VTI1A: variants seen among roughly 807,000 people sequenced by gnomAD.
The protein encoded by VTI1A is vesicle transport through interaction with t-SNAREs homolog 1A.
A neutral mutation model predicts 34.9 loss-of-function variants in VTI1A; 22 were observed. That is an observed-to-expected ratio of 0.63 (90% CI 0.45 to 0.90). The LOEUF (loss-of-function observed/expected upper bound fraction) is 0.90. VTI1A is among the 40% of genes least tolerant of loss of function. The probability of loss-of-function intolerance (pLI) is 0.00; values close to 1 mark genes in which losing one functional copy is unlikely to be tolerated. For synonymous variants in VTI1A, 87 were observed against 97.3 expected (o/e 0.89, Z 0.62); for missense variants, 268 against 275.6 (o/e 0.97, Z 0.20).
intron 5 of VTI1A, among the ~76,000 whole-genome samples, chr10:112,664,276 T>G (rs1457970511): frequency 6.6e-6 from 1 of 152,212 alleles, no homozygotes; most frequent in Non-Finnish European, 1.5e-5. Context: ...GAATTAGATT[T>G]GAGGCTCGTT....
chr10:112,472,990 A>T (rs1196053477), intron 3 of VTI1A, among the ~76,000 whole-genome samples: 1 of 151,488 alleles, frequency 6.6e-6, no homozygotes, highest in Non-Finnish European at 1.5e-5. Flanking sequence ...AGAAAAAAAA[A>T]ATCACCAGTA....
chr10:112,726,296 C>G (rs1850025399), intron 7 of VTI1A, among the ~76,000 whole-genome samples: 1 of 152,216 alleles, frequency 6.6e-6, no homozygotes. Flanking sequence ...TCTAAGACAC[C>G]AGAGTGGGGA....
intron 5 of VTI1A, among the ~76,000 whole-genome samples, chr10:112,635,659 A>G (rs1028988056): frequency 2.6e-5 from 4 of 152,206 alleles, no homozygotes; most frequent in Non-Finnish European, 4.4e-5. Context: ...AGAGGTTACA[A>G]CAGTAGGAAT....
chr10:112,738,415 C>G (rs748934237), intron 7 of VTI1A, among the ~76,000 whole-genome samples: 2 of 152,182 alleles, frequency 1.3e-5, no homozygotes, highest in Non-Finnish European at 2.9e-5. Context: ...AGACTTGGCT[C>G]TCCTCTGAGG....
chr10:112,644,080 G>C (rs1304596567), intron 5 of VTI1A, among the ~76,000 whole-genome samples: 2 of 152,142 alleles, frequency 1.3e-5, no homozygotes, highest in African/African-American at 4.8e-5. Flanking sequence ...TTGCTATTCA[G>C]ATGCACTGCA....
intron 3 of VTI1A, among the ~76,000 whole-genome samples, chr10:112,519,578 G>A (rs112133612): frequency 7.4e-4 from 112 of 152,218 alleles, no homozygotes; most frequent in African/African-American, 2.6e-3. Context: ...AGAACTAGGT[G>A]AATCGTTCAT....
At chr10:112,838,980 C>G in the VTI1A span, among the ~76,000 whole-genome samples, 7 of 152,204 alleles carry the variant, frequency 4.6e-5, no homozygotes, top group Non-Finnish European at 7.3e-5. Flanking sequence ...TGCAAGAACG[C>G]CACTTTCTTC....
chr10:112,514,561 GTTC>G (rs1212216911), intron 3 of VTI1A, among the ~76,000 whole-genome samples: 1 of 150,570 alleles, frequency 6.6e-6, no homozygotes, highest in African/African-American at 2.4e-5. Flanking sequence ...GTTTATTTTT[GTTC>G]TTCTAGTTTC....
intron 3 of VTI1A, among the ~76,000 whole-genome samples, chr10:112,514,512 G>A (rs533327584): frequency 1.0e-3 from 155 of 150,940 alleles, no homozygotes; most frequent in Non-Finnish European, 2.1e-3. Context: ...TTTATGCCTT[G>A]ATCTTTGTTA....
chr10:112,790,443 C>T (rs1363237191), intron 7 of VTI1A, among the ~76,000 whole-genome samples: 1 of 152,178 alleles, frequency 6.6e-6, no homozygotes, highest in Non-Finnish European at 1.5e-5. Flanking sequence ...CCAGGATCTC[C>T]CCATCACATT....
chr10:112,717,712 C>T (rs892085982), intron 7 of VTI1A, among the ~76,000 whole-genome samples: 1 of 152,098 alleles, frequency 6.6e-6, no homozygotes, highest in South Asian at 2.1e-4. Flanking sequence ...CACACAGTGC[C>T]ACATTCTGTG....
intron 5 of VTI1A, among the ~76,000 whole-genome samples, chr10:112,640,546 A>AAAC (rs904407235): frequency 3.9e-5 from 6 of 152,014 alleles, no homozygotes; most frequent in South Asian, 4.1e-4. Context: ...GAAAAAAAAC[A>AAAC]AACAACAACA....
intron 7 of VTI1A, among the ~76,000 whole-genome samples, chr10:112,693,937 G>T (rs533845256): frequency 2.0e-5 from 3 of 152,240 alleles, no homozygotes; most frequent in African/African-American, 7.2e-5. Context: ...TGCGAGGCTC[G>T]GTGGCTCACC....
chr10:112,765,143 T>G (rs1851602024), intron 7 of VTI1A, among the ~76,000 whole-genome samples: 1 of 152,206 alleles, frequency 6.6e-6, no homozygotes, highest in African/African-American at 2.4e-5. Context: ...TGAATTTGAG[T>G]GTGCTAAAAT....
intron 5 of VTI1A, among the ~76,000 whole-genome samples, chr10:112,616,528 A>G (rs1845519137): frequency 6.6e-6 from 1 of 152,324 alleles, no homozygotes; most frequent in South Asian, 2.1e-4. Flanking sequence ...ATATGAGCTT[A>G]TTAAAAAGAT....
chr10:112,835,737 C>G, the VTI1A span, among the ~76,000 whole-genome samples: 1 of 151,742 alleles, frequency 6.6e-6, no homozygotes, highest in Non-Finnish European at 1.5e-5. Flanking sequence ...TAATAAGCAT[C>G]AAATGTCTTC....
At chr10:112,845,861 T>TA in the VTI1A span, among the ~76,000 whole-genome samples, 1 of 152,006 alleles carries the variant, frequency 6.6e-6, no homozygotes, top group African/African-American at 2.4e-5. Flanking sequence ...CTGCTAAAAA[T>TA]ACAAAAATTA....
At chr10:112,853,790 G>C in the VTI1A span, among the ~76,000 whole-genome samples, 3 of 152,246 alleles carry the variant, frequency 2.0e-5, no homozygotes, top group East Asian at 5.8e-4. Flanking sequence ...CTCCAGCTGT[G>C]GCCCTTTACC....
intron 3 of VTI1A, among the ~76,000 whole-genome samples, chr10:112,484,064 A>G (rs1307438624): frequency 1.3e-5 from 2 of 152,258 alleles, no homozygotes; most frequent in Non-Finnish European, 2.9e-5. Context: ...GATTTGGTTC[A>G]TAACCAACCT....
Sources: allele counts gnomAD v4.1 joint callset (sites outside exome capture counted in the v4.1 genomes callset), GRCh38; gene constraint gnomAD v4.1.1; transcripts MANE v1.5; gene names NCBI Gene and HGNC (gene_info 2026-07-23, HGNC 2026-07-21).